PTPRR: variants seen among roughly 807,000 people sequenced by gnomAD.
PTPRR encodes the protein protein tyrosine phosphatase receptor type R.
A neutral mutation model predicts 77.2 loss-of-function variants in PTPRR; 38 were observed. That is an observed-to-expected ratio of 0.49 (90% CI 0.38 to 0.65). PTPRR has a LOEUF of 0.65. PTPRR is among the 30% of genes least tolerant of loss of function. PTPRR has a pLI of 0.00. For synonymous variants in PTPRR, 299 were observed against 283.1 expected, an observed-to-expected ratio of 1.06 and a Z score of -0.57; for missense variants, 744 against 799.2, an observed-to-expected ratio of 0.93 and a Z score of 0.83.
chr12:70,869,786 T>A (rs1190205893), intron 2 of PTPRR, among the ~76,000 whole-genome samples: 2 of 152,064 alleles, frequency 1.3e-5, no homozygotes, highest in African/African-American at 4.8e-5. Context: ...AAGGAACCAA[T>A]TTTTCCCCTA....
intron 2 of PTPRR, among the ~76,000 whole-genome samples, chr12:70,812,728 G>A (rs759563405): frequency 3.3e-5 from 5 of 152,110 alleles, no homozygotes; most frequent in Non-Finnish European, 5.9e-5. Context: ...TCATCTTAGA[G>A]GTAAGAAAAG....
At chr12:70,653,685 T>C (rs899937574) in intron 13 of PTPRR, among the ~76,000 whole-genome samples, 9 of 152,220 alleles carry the variant, frequency 5.9e-5, no homozygotes, top group African/African-American at 2.2e-4. Context: ...ACATAGGTCA[T>C]ATCATCTTTT....
chr12:70,761,392 C>G (rs1191012220), intron 4 of PTPRR, 79 bp downstream of exon 4: 10 of 1,310,508 alleles, frequency 7.6e-6, no homozygotes. Context: ...ACTTCCATCT[C>G]AAAGCCTCTT....
chr12:70,671,932 TAGA>T (rs1887241770), intron 10 of PTPRR: 2 of 973,370 alleles, frequency 2.1e-6, no homozygotes, highest in Non-Finnish European at 3.2e-6. Context: ...TGGTCTCTGG[TAGA>T]AGAAGGTTGC....
At chr12:70,872,520 C>T (rs1211500204) in intron 2 of PTPRR, among the ~76,000 whole-genome samples, 2 of 151,314 alleles carry the variant, frequency 1.3e-5, no homozygotes, top group Non-Finnish European at 2.9e-5. Flanking sequence ...ATGATGAAAC[C>T]CCGTCTCTAC....
intron 2 of PTPRR, among the ~76,000 whole-genome samples, chr12:70,858,535 A>C (rs1019624758): frequency 6.6e-6 from 1 of 151,730 alleles, no homozygotes; most frequent in Non-Finnish European, 1.5e-5. Context: ...TTGTGGAGAG[A>C]AAACTATCAG....
At chr12:70,661,125 C>T (rs147593430) in intron 11 of PTPRR, 28 bp from the exon 12 acceptor site, 16 of 1,589,042 alleles carry the variant, frequency 1.0e-5, no homozygotes, top group Non-Finnish European at 1.3e-5. Context: ...CACCAAATGC[C>T]TCATTCACTT....
intron 2 of PTPRR, among the ~76,000 whole-genome samples, chr12:70,811,388 G>A (rs1891806011): frequency 2.0e-5 from 3 of 152,194 alleles, no homozygotes; most frequent in Non-Finnish European, 4.4e-5. Context: ...TAGTCTGGCT[G>A]GTTAAATAGG....
Position 70,829,228 on chromosome 12 carries a change from G to GA in PTPRR, c.357+63450dup, listed in dbSNP as rs1249520491. Among the ~76,000 whole-genome samples, 12 of 149,216 alleles carry GA rather than the reference G, an allele frequency of 8.0e-5. No homozygotes were observed. The Admixed American group carries it at 8.0e-4, about 10-fold the overall frequency. ...TGAAGGAAAGAAGGAAAGAAGGAAAGAGGAAGGAAGGAAGGAAAGAGAAAT... is the reference window on the plus strand; with the variant it reads ...TGAAGGAAAGAAGGAAAGAAGGAAAGAAGGAAGGAAGGAAGGAAAGAGAAAT... On this transcript the variant is annotated intron_variant, in intron 2 of 13. Coordinates refer to ENST00000283228, the MANE Select transcript of PTPRR (RefSeq NM_002849.4).
At chr12:70,639,970 T>C (rs568076505) in intron 13 of PTPRR, among the ~76,000 whole-genome samples, 2 of 152,146 alleles carry the variant, frequency 1.3e-5, no homozygotes, top group Non-Finnish European at 2.9e-5. Context: ...GGTGGGTCCT[T>C]AAATGAGTTG....
At chr12:70,894,649 T>A (rs569023176) in intron 1 of PTPRR, among the ~76,000 whole-genome samples, 46 of 151,884 alleles carry the variant, frequency 3.0e-4, no homozygotes, top group African/African-American at 1.1e-3. Context: ...AAAGTTCATA[T>A]ACATCTAAAA....
At chr12:70,807,359 T>C (rs915812509) in intron 2 of PTPRR, among the ~76,000 whole-genome samples, 6 of 152,212 alleles carry the variant, frequency 3.9e-5, no homozygotes, top group African/African-American at 1.4e-4. Context: ...ATAAATGTAA[T>C]CTACTTGCCC....
chr12:70,898,023 G>A (rs1893463091), intron 1 of PTPRR, among the ~76,000 whole-genome samples: 1 of 138,356 alleles, frequency 7.2e-6, no homozygotes, highest in African/African-American at 2.6e-5. Context: ...GAGGGGGAAG[G>A]GATAACATTA....
chr12:70,889,987 T>C (rs1214397334), intron 2 of PTPRR, among the ~76,000 whole-genome samples: 1 of 152,222 alleles, frequency 6.6e-6, no homozygotes, highest in Non-Finnish European at 1.5e-5. Context: ...CAGCCTATGC[T>C]GAACTGAAAT....
chr12:70,780,902 G>A (rs572485820), intron 2 of PTPRR, among the ~76,000 whole-genome samples: 86 of 152,296 alleles, frequency 5.6e-4, no homozygotes, highest in African/African-American at 1.9e-3. Flanking sequence ...CTGCCTACCT[G>A]TAAAGACCAT....
intron 12 of PTPRR, 123 bp downstream of exon 12, chr12:70,660,817 T>C: frequency 2.0e-6 from 2 of 1,009,672 alleles, no homozygotes; most frequent in South Asian, 4.0e-5. Context: ...ACTTAACCAA[T>C]TTCAATAAAT....
chr12:70,870,938 A>G (rs1258192272), intron 2 of PTPRR, among the ~76,000 whole-genome samples: 1 of 152,226 alleles, frequency 6.6e-6, no homozygotes, highest in African/African-American at 2.4e-5. Context: ...AAAACAGGCA[A>G]TGGGCACAAA....
chr12:70,857,292 C>T (rs1892669748), intron 2 of PTPRR, among the ~76,000 whole-genome samples: 1 of 152,042 alleles, frequency 6.6e-6, no homozygotes, highest in Admixed American at 6.6e-5. Context: ...GAATATAGTG[C>T]CATGAAGAAG....
At chr12:70,756,401 G>C (rs2136953314) in intron 4 of PTPRR, among the ~76,000 whole-genome samples, 1 of 152,208 alleles carries the variant, frequency 6.6e-6, no homozygotes, top group Non-Finnish European at 1.5e-5. Context: ...TAAAAAACTT[G>C]ATAAGGGCAG....
Sources: gnomAD v4.1 joint callset for allele counts (sites outside exome capture counted in the v4.1 genomes callset) on GRCh38, gnomAD v4.1.1 for gene constraint, MANE v1.5 for transcripts, NCBI Gene and HGNC (gene_info 2026-07-23, HGNC 2026-07-21) for gene names.